Variants in NELL1 observed in about 807,000 individuals in gnomAD.
NELL1 encodes protein kinase C-binding protein NELL1.
In NELL1, 76 loss-of-function variants were observed where a neutral mutation model predicts 107.4. That is an observed-to-expected ratio of 0.71 (90% confidence interval 0.59 to 0.86). NELL1 has a LOEUF of 0.86. Among genes scored for constraint, NELL1 ranks in the 40% least tolerant of loss-of-function variants. The pLI is 0.00. For synonymous variants in NELL1, 353 were observed against 341.2 expected (o/e 1.03, Z -0.38); for missense variants, 1,024 against 1,005.5 (o/e 1.02, Z -0.25).
intron 5 of NELL1, among the ~76,000 whole-genome samples, chr11:20,908,907 A>G (rs61880440): frequency 0.028 from 4,305 of 152,272 alleles, 116 homozygotes; most frequent in East Asian, 0.16. Context: ...TTCAAAATAC[A>G]CAAAAGATGG....
chr11:21,262,229 G>C (rs1004141474), intron 14 of NELL1, among the ~76,000 whole-genome samples: 5 of 151,776 alleles, frequency 3.3e-5, no homozygotes, highest in Non-Finnish European at 7.4e-5. Flanking sequence ...CTCCCCCACA[G>C]TTTGGTTGAT....
intron 10 of NELL1, among the ~76,000 whole-genome samples, chr11:20,945,849 G>C (rs1179649178): frequency 6.6e-6 from 1 of 152,180 alleles, no homozygotes; most frequent in African/African-American, 2.4e-5. Flanking sequence ...GCAAAGTGGG[G>C]CAGAGTGAGT....
At chr11:20,830,962 C>A (rs199614377) in intron 3 of NELL1, among the ~76,000 whole-genome samples, 1 of 152,120 alleles carries the variant, frequency 6.6e-6, no homozygotes, top group Non-Finnish European at 1.5e-5. Context: ...TTGGTGGGGA[C>A]AAACCATATC....
chr11:21,346,065 T>G (rs1397840450), intron 14 of NELL1, among the ~76,000 whole-genome samples: 23 of 152,156 alleles, frequency 1.5e-4, no homozygotes, highest in Admixed American at 1.5e-3. Context: ...CAAACTGGCT[T>G]AAGATCACCT....
intron 13 of NELL1, among the ~76,000 whole-genome samples, chr11:21,165,578 C>T (rs79536737): frequency 0.038 from 5,803 of 151,988 alleles, 172 homozygotes; most frequent in Non-Finnish European, 0.058. Context: ...TAGGTGTATA[C>T]CTGAAAGAAA....
chr11:21,230,209 C>G (rs1256588038), intron 14 of NELL1, among the ~76,000 whole-genome samples: 1 of 152,208 alleles, frequency 6.6e-6, no homozygotes, highest in African/African-American at 2.4e-5. Flanking sequence ...CACAAACAAC[C>G]TGACAGAACA....
chr11:20,835,660 A>G lies in NELL1; in HGVS notation c.336-11923A>G, dbSNP rs572715627. 8.5e-5 allele frequency among the ~76,000 whole-genome samples: 13 copies of G among 152,350 alleles called. No individual in the cohort carries two copies. The East Asian group carries it at 1.7e-3, about 20-fold the overall frequency. On this transcript the variant is annotated intron_variant, in intron 3 of 19. Transcript: ENST00000357134. ...ATGTTTATACTTGCTTTCATAGCAT[A>G]AGAAACCTTTGGAAAAAACGTTCTT...
intron 3 of NELL1, 111 bp downstream of exon 3, chr11:20,783,941 C>T (rs1856903138): frequency 9.8e-7 from 1 of 1,025,580 alleles, no homozygotes; most frequent in Non-Finnish European, 1.3e-6. Flanking sequence ...TAACTGAGGC[C>T]TCATTTCTGT....
At chr11:21,371,095 G>A (rs1003752334) in intron 15 of NELL1, 147 bp downstream of exon 15, 2 of 598,186 alleles carry the variant, frequency 3.3e-6, no homozygotes, top group East Asian at 3.1e-5. Flanking sequence ...TCCCAAAGTG[G>A]GTACCTTGCT....
rs563380789 is a variant in NELL1 at position 20,989,200 on chromosome 11, T to A, written c.1300+28640T>A. ...CCTCAGTTTCTGAAGAGGAAGAGTTTGTGATCTCTGGTCCTAATCCCCTGT... is the reference window on the plus strand; with the variant it reads ...CCTCAGTTTCTGAAGAGGAAGAGTTAGTGATCTCTGGTCCTAATCCCCTGT... On this transcript the variant is annotated intron_variant, in intron 12 of 19. Transcript: ENST00000357134. 5.3e-5 allele frequency among the ~76,000 whole-genome samples: 8 copies of A among 152,310 alleles called. No individual in the cohort carries two copies. In the East Asian group the frequency reaches 1.5e-3, roughly 29 times the overall value.
chr11:20,757,302 C>T (rs1425510318), intron 2 of NELL1, among the ~76,000 whole-genome samples: 1 of 152,118 alleles, frequency 6.6e-6, no homozygotes. Context: ...AGAATTCACT[C>T]AGTTTTATCT....
intron 14 of NELL1, among the ~76,000 whole-genome samples, chr11:21,266,700 A>G (rs1033923170): frequency 1.3e-5 from 2 of 151,946 alleles, no homozygotes; most frequent in African/African-American, 4.8e-5. Context: ...TGCTTTCTCT[A>G]CAGTCCTCTT....
At chr11:21,511,031 C>T (rs1025133365) in intron 15 of NELL1, among the ~76,000 whole-genome samples, 2 of 152,146 alleles carry the variant, frequency 1.3e-5, no homozygotes, top group East Asian at 3.9e-4. Context: ...GTCTCCTCAT[C>T]TGTAAAATAA....
intron 15 of NELL1, among the ~76,000 whole-genome samples, chr11:21,444,912 CT>C (rs1853381604): frequency 6.6e-6 from 1 of 151,938 alleles, no homozygotes; most frequent in African/African-American, 2.4e-5. Context: ...TAATTTATTG[CT>C]TTTTAATTTT....
chr11:20,977,948 T>C (rs1851673088), intron 12 of NELL1, among the ~76,000 whole-genome samples: 1 of 152,218 alleles, frequency 6.6e-6, no homozygotes, highest in Admixed American at 6.5e-5. Context: ...TAAGGAAAGT[T>C]GAGAGACTTG....
At chr11:21,347,035 A>G (rs1172779798) in intron 14 of NELL1, among the ~76,000 whole-genome samples, 2 of 152,216 alleles carry the variant, frequency 1.3e-5, no homozygotes, top group Non-Finnish European at 2.9e-5. Context: ...AAACTTAACA[A>G]TGCTGCTGCT....
intron 13 of NELL1, among the ~76,000 whole-genome samples, chr11:21,132,573 C>T (rs1422863183): frequency 6.6e-6 from 1 of 152,162 alleles, no homozygotes; most frequent in African/African-American, 2.4e-5. Context: ...CCGTGTGAGG[C>T]TGCGGCTGGA....
intron 2 of NELL1, among the ~76,000 whole-genome samples, chr11:20,732,799 C>G (rs1173826896): frequency 6.6e-6 from 1 of 152,108 alleles, no homozygotes; most frequent in Non-Finnish European, 1.5e-5. Context: ...GGTTTTGGAG[C>G]TTATTGTCGG....
chr11:20,944,258 G>A (rs1284454902), intron 10 of NELL1, among the ~76,000 whole-genome samples: 1 of 152,046 alleles, frequency 6.6e-6, no homozygotes, highest in East Asian at 1.9e-4. Context: ...TAAAGCTTCA[G>A]CAACACCAAT....
Sources: gnomAD v4.1 joint callset for allele counts (sites outside exome capture counted in the v4.1 genomes callset) on GRCh38, gnomAD v4.1.1 for gene constraint, MANE v1.5 for transcripts, NCBI Gene and HGNC (gene_info 2026-07-23, HGNC 2026-07-21) for gene names.